The following EFNB2 variants were observed in gnomAD, a reference collection of about 807,000 sequenced individuals.
The protein encoded by EFNB2 is ephrin-B2.
In EFNB2, 5 loss-of-function variants were observed where a neutral mutation model predicts 32.1. The ratio of observed to expected loss-of-function variants is 0.16; its 90% confidence interval spans 0.08 to 0.33. The LOEUF (loss-of-function observed/expected upper bound fraction) is 0.33, where lower values mean the gene tolerates loss of function less well. Ranked by LOEUF, EFNB2 falls within the 10% of genes least tolerant of loss-of-function variation. The probability of loss-of-function intolerance (pLI) is 1.00; values close to 1 mark genes in which losing one functional copy is unlikely to be tolerated. For synonymous variants in EFNB2, 168 were observed against 166.5 expected (o/e 1.01, Z -0.07); for missense variants, 263 against 422.6 (o/e 0.62, Z 3.31).
At chr13:106,531,429 GC>G (rs749477814) in intron 1 of EFNB2, among the ~76,000 whole-genome samples, 31 of 152,198 alleles carry the variant, frequency 2.0e-4, no homozygotes, top group Non-Finnish European at 3.7e-4. Flanking sequence ...GGTGCTTTGA[GC>G]TTTTTTCTCT....
intron 1 of EFNB2, among the ~76,000 whole-genome samples, chr13:106,526,578 A>T (rs192483442): frequency 1.3e-3 from 189 of 141,790 alleles, no homozygotes; most frequent in African/African-American, 4.5e-3. Flanking sequence ...CCATTTTCCC[A>T]TAGCAAGGGG....
chr13:106,514,052 C>T (rs1879233730), intron 1 of EFNB2, among the ~76,000 whole-genome samples: 1 of 152,172 alleles, frequency 6.6e-6, no homozygotes, highest in Non-Finnish European at 1.5e-5. Flanking sequence ...AGAAATCATA[C>T]TATGGATTCA....
intron 1 of EFNB2, among the ~76,000 whole-genome samples, chr13:106,531,442 T>C (rs565401659): frequency 2.6e-5 from 4 of 152,312 alleles, no homozygotes; most frequent in East Asian, 1.9e-4. Flanking sequence ...TTTTTCTCTC[T>C]ATATTAAAAC....
chr13:106,534,802 C>G (rs952397325), intron 1 of EFNB2, 41 bp downstream of exon 1: 1 of 1,580,652 alleles, frequency 6.3e-7, no homozygotes, highest in East Asian at 2.3e-5. Flanking sequence ...GCGCGGCGGA[C>G]CCCGGGGCGG....
intron 2 of EFNB2, among the ~76,000 whole-genome samples, chr13:106,500,112 G>C (rs960109090): frequency 6.6e-6 from 1 of 152,194 alleles, no homozygotes; most frequent in African/African-American, 2.4e-5. Context: ...AAGCAGACTG[G>C]AAGGGCAAGA....
At chr13:106,522,067 C>T (rs937174421) in intron 1 of EFNB2, among the ~76,000 whole-genome samples, 1 of 150,874 alleles carries the variant, frequency 6.6e-6, no homozygotes, top group Non-Finnish European at 1.5e-5. Context: ...AAAAAAAAAC[C>T]ACACACGCAC....
intron 1 of EFNB2, among the ~76,000 whole-genome samples, chr13:106,533,804 C>T (rs1425776660): frequency 6.6e-6 from 1 of 152,128 alleles, no homozygotes; most frequent in East Asian, 1.9e-4. Context: ...GACTACAATT[C>T]CAAGATTCTG....
intron 2 of EFNB2, among the ~76,000 whole-genome samples, chr13:106,500,633 C>T (rs1305845340): frequency 2.0e-5 from 3 of 152,172 alleles, no homozygotes; most frequent in Non-Finnish European, 4.4e-5. Context: ...TACAGCTGCA[C>T]TGGACACAAG....
At chr13:106,514,668 A>G (rs1296967165) in intron 1 of EFNB2, among the ~76,000 whole-genome samples, 2 of 152,196 alleles carry the variant, frequency 1.3e-5, no homozygotes, top group African/African-American at 4.8e-5. Flanking sequence ...TTTAAGGTTT[A>G]CAAACACCAG....
chr13:106,535,632 G>C lies in EFNB2; in HGVS notation c.-668C>G, dbSNP rs952650127. On this transcript the variant is annotated 5_prime_UTR_variant, in exon 1 of 5. Transcript: ENST00000646441. Reference sequence around the variant, plus strand: ...GCGTGCGCAGCTCCTCGCTCCGGCCGGCGCCGCGGTCCCCGCCGAGGAGAG... The same window carrying C: ...GCGTGCGCAGCTCCTCGCTCCGGCCCGCGCCGCGGTCCCCGCCGAGGAGAG... 6.6e-6 allele frequency: 1 copy of C among 150,682 alleles called. No individual in the cohort carries two copies. The highest frequency in any genetic ancestry group is 1.5e-5 in the Non-Finnish European group (1 of 67,526). 9.3% of individuals were successfully genotyped at this position (150,682 alleles called of 1,614,324 possible). A position where few individuals can be genotyped will look rare whatever the true frequency, so the allele number is the denominator to read the frequency against.
At chr13:106,503,045 T>C (rs1009454244) in intron 2 of EFNB2, among the ~76,000 whole-genome samples, 3 of 152,210 alleles carry the variant, frequency 2.0e-5, no homozygotes, top group African/African-American at 7.2e-5. Flanking sequence ...TTTGTTTGTT[T>C]TGCTAGAGAC....
chr13:106,494,193 CACA>C (rs1264434245), intron 4 of EFNB2, among the ~76,000 whole-genome samples: 1 of 152,180 alleles, frequency 6.6e-6, no homozygotes, highest in African/African-American at 2.4e-5. Context: ...GATAAATTTG[CACA>C]ACGACCAAGC....
intron 2 of EFNB2, among the ~76,000 whole-genome samples, chr13:106,507,808 T>C (rs1879005390): frequency 6.6e-6 from 1 of 152,110 alleles, no homozygotes; most frequent in Non-Finnish European, 1.5e-5. Context: ...CAACCTTTAA[T>C]CAAACAGTCC....
chr13:106,513,370 T>C (rs2138922415), intron 1 of EFNB2, among the ~76,000 whole-genome samples: 1 of 152,358 alleles, frequency 6.6e-6, no homozygotes, highest in Non-Finnish European at 1.5e-5. Context: ...ATGGGTTTTT[T>C]ATTACACTGA....
chr13:106,509,289 G>C lies in EFNB2; in HGVS notation c.406+3240C>G, dbSNP rs558768512. On this transcript the variant is annotated intron_variant, in intron 2 of 4. Transcript: ENST00000646441. ...CTGGACTACTCCTCACTGGGGAAAA[G>C]TCAAGCACTCCTCCAAAGCATCAGG... 2.0e-5 allele frequency among the ~76,000 whole-genome samples: 3 copies of C among 152,244 alleles called. No individual in the cohort carries two copies. In the East Asian group the frequency reaches 5.8e-4, roughly 29 times the overall value.
rs1305432874 is a variant in EFNB2, at chr13:106,512,574, G to T, written c.361C>A (p.Leu121Ile). ...TIKFQEFSPN[L>I]WGLEFQKNKD... Reference sequence around the variant, plus strand: ...TTCTTCTGAAATTCTAGACCCCAGAGGTTAGGGCTGAATTCTTGAAACTTG... The same window carrying T: ...TTCTTCTGAAATTCTAGACCCCAGATGTTAGGGCTGAATTCTTGAAACTTG... Residue 121 changes from leucine to isoleucine, a missense_variant, in exon 2 of 5, where the codon CTC becomes ATC. By Grantham distance (5) the Leu-to-Ile change is conservative (BLOSUM62 2). Transcript: ENST00000646441. The T allele has an allele frequency of 1.2e-6, 2 of 1,613,244 alleles. No homozygotes were observed. The highest frequency in any genetic ancestry group is 1.7e-6 in the Non-Finnish European group (2 of 1,179,418).
At position 106,491,586 on chromosome 13, in the gene EFNB2, G is replaced by A. The variant is rs1878406360; in HGVS notation, c.*1454C>T. On this transcript the variant is annotated 3_prime_UTR_variant, in exon 5 of 5. Coordinates refer to ENST00000646441, the MANE Select transcript of EFNB2 (RefSeq NM_004093.4). ...CATCATAATTTACTTCCGTCTTAAGGACTCTAAGAGGTCTGCCGTATGTGC... is the reference window on the plus strand; with the variant it reads ...CATCATAATTTACTTCCGTCTTAAGAACTCTAAGAGGTCTGCCGTATGTGC... 6.6e-6 allele frequency: 1 copy of A among 152,396 alleles called. No individual in the cohort carries two copies. The highest frequency in any genetic ancestry group is 6.5e-5 in the Admixed American group (1 of 15,270). The allele number at this position is 152,396 out of a possible 1,614,324, so 9.4% of individuals were successfully genotyped here.
At chr13:106,531,602 T>TA (rs1879874118) in intron 1 of EFNB2, among the ~76,000 whole-genome samples, 1 of 152,242 alleles carries the variant, frequency 6.6e-6, no homozygotes, top group Non-Finnish European at 1.5e-5. Context: ...ATGGACTGTT[T>TA]AAACAGCACT....
chr13:106,515,394 CG>C (rs1349907323), intron 1 of EFNB2, among the ~76,000 whole-genome samples: 1 of 152,078 alleles, frequency 6.6e-6, no homozygotes, highest in Non-Finnish European at 1.5e-5. Context: ...CTTATCAAAG[CG>C]GAAGTGTGGT....
Sources: gnomAD v4.1 joint callset for allele counts (sites outside exome capture counted in the v4.1 genomes callset) on GRCh38, gnomAD v4.1.1 for gene constraint, MANE v1.5 for transcripts, NCBI Gene and HGNC (gene_info 2026-07-23, HGNC 2026-07-21) for gene names.